Variants in DRC11 observed in about 807,000 individuals in gnomAD.
DRC11 encodes the protein dynein regulatory complex subunit 11.
At chr2:236,375,061 A>C in the DRC11 span, among the ~76,000 whole-genome samples, 1 of 152,078 alleles carries the variant, frequency 6.6e-6, no homozygotes, top group East Asian at 1.9e-4. This position sits in a 1 kb window ranked among gnomAD's most constrained non-coding sequence, Gnocchi z 4.2. Context: ...GAAAGTCCCA[A>C]GGAGGATGGT....
At chr2:236,441,732 T>C in the DRC11 span, among the ~76,000 whole-genome samples, 1 of 152,222 alleles carries the variant, frequency 6.6e-6, no homozygotes, top group Admixed American at 6.5e-5. Flanking sequence ...TTATATTTAT[T>C]GTACGTAAGA....
the DRC11 span, among the ~76,000 whole-genome samples, chr2:236,338,597 C>T: frequency 6.6e-6 from 1 of 152,136 alleles, no homozygotes; most frequent in South Asian, 2.1e-4. Flanking sequence ...CTTTCCTCAA[C>T]CTCTGGTGTC....
the DRC11 span, chr2:236,399,340 C>G: frequency 1.7e-6 from 2 of 1,204,892 alleles, no homozygotes. The surrounding 1 kb of genome is among the most constrained non-coding windows in gnomAD (Gnocchi z 7.0). Context: ...GAGTGGCATA[C>G]AGCAGCCTCC....
the DRC11 span, among the ~76,000 whole-genome samples, chr2:236,420,392 C>G: frequency 4.0e-4 from 61 of 152,296 alleles, no homozygotes; most frequent in African/African-American, 1.4e-3. This position sits in a 1 kb window ranked among gnomAD's most constrained non-coding sequence, Gnocchi z 4.8. Context: ...AATCCATACT[C>G]CAGTCTCAGG....
At chr2:236,324,484 G>C in the DRC11 span, 1 of 474,494 alleles carries the variant, frequency 2.1e-6, no homozygotes, top group Non-Finnish European at 3.8e-6. The surrounding 1 kb of genome is among the most constrained non-coding windows in gnomAD (Gnocchi z 5.7). Context: ...GCCTGGGAAA[G>C]GCATAACAGC....
chr2:236,417,572 T>TA, the DRC11 span, among the ~76,000 whole-genome samples: 3 of 151,744 alleles, frequency 2.0e-5, no homozygotes, highest in East Asian at 1.9e-4. Context: ...TTTTTTTTTT[T>TA]TATATTACTT....
chr2:236,409,040 G>A, the DRC11 span: 3 of 617,256 alleles, frequency 4.9e-6, no homozygotes, highest in South Asian at 3.7e-5. Context: ...GAAGCCGAGG[G>A]ACCCATGTCT....
the DRC11 span, among the ~76,000 whole-genome samples, chr2:236,483,838 C>T: frequency 6.6e-6 from 1 of 152,124 alleles, no homozygotes; most frequent in South Asian, 2.1e-4. This position sits in a 1 kb window ranked among gnomAD's most constrained non-coding sequence, Gnocchi z 4.8. Context: ...ATACTTAATA[C>T]CACTGGCAAA....
chr2:236,373,193 G>A, the DRC11 span, among the ~76,000 whole-genome samples: 2 of 150,184 alleles, frequency 1.3e-5, no homozygotes, highest in African/African-American at 2.4e-5. Flanking sequence ...CCTCATTTCT[G>A]GGTTTTACTC....
chr2:236,449,157 C>G, the DRC11 span, among the ~76,000 whole-genome samples: 1 of 152,188 alleles, frequency 6.6e-6, no homozygotes, highest in African/African-American at 2.4e-5. This position sits in a 1 kb window ranked among gnomAD's most constrained non-coding sequence, Gnocchi z 5.1. Flanking sequence ...ACTACACCCA[C>G]TGGGTGCTGT....
chr2:236,436,074 C>T, the DRC11 span, among the ~76,000 whole-genome samples: 1 of 152,152 alleles, frequency 6.6e-6, no homozygotes, highest in African/African-American at 2.4e-5. Context: ...CCAGTCATTA[C>T]AATGACTTAA....
chr2:236,314,308 C>T, the DRC11 span, among the ~76,000 whole-genome samples: 3 of 152,176 alleles, frequency 2.0e-5, no homozygotes, highest in South Asian at 4.1e-4. The surrounding 1 kb of genome is among the most constrained non-coding windows in gnomAD (Gnocchi z 4.5). Context: ...CACAACCATA[C>T]ATGATAAACA....
chr2:236,326,836 GTGTGTT>G, the DRC11 span, among the ~76,000 whole-genome samples: 1 of 142,878 alleles, frequency 7.0e-6, no homozygotes, highest in East Asian at 2.0e-4. Flanking sequence ...GTGTGTGTGT[GTGTGTT>G]TGAGATGGAG....
chr2:236,308,974 G>A, the DRC11 span, among the ~76,000 whole-genome samples: 1 of 152,220 alleles, frequency 6.6e-6, no homozygotes, highest in African/African-American at 2.4e-5. The surrounding 1 kb of genome is among the most constrained non-coding windows in gnomAD (Gnocchi z 6.0). Flanking sequence ...CAGCTGTTGG[G>A]AGCTCTGGGG....
At chr2:236,460,593 G>C in the DRC11 span, among the ~76,000 whole-genome samples, 1 of 152,000 alleles carries the variant, frequency 6.6e-6, no homozygotes, top group Non-Finnish European at 1.5e-5. This position sits in a 1 kb window ranked among gnomAD's most constrained non-coding sequence, Gnocchi z 4.0. Context: ...TTTAATGAGG[G>C]TTTCTATTAT....
the DRC11 span, chr2:236,407,774 C>G: frequency 3.3e-6 from 1 of 301,660 alleles, no homozygotes; most frequent in Non-Finnish European, 6.5e-6. Flanking sequence ...AGTTTTCACT[C>G]CTCATTTTTT....
chr2:236,459,540 C>T, the DRC11 span, among the ~76,000 whole-genome samples: 132 of 73,828 alleles, frequency 1.8e-3, no homozygotes, highest in African/African-American at 3.4e-3. Flanking sequence ...TATACGTATA[C>T]GTATACGTAT....
At chr2:236,493,052 G>A in the DRC11 span, among the ~76,000 whole-genome samples, 1 of 152,198 alleles carries the variant, frequency 6.6e-6, no homozygotes, top group East Asian at 1.9e-4. Context: ...ATTTACAAAA[G>A]AAAGAGGTTT....
chr2:236,482,402 A>C, the DRC11 span, among the ~76,000 whole-genome samples: 1 of 152,206 alleles, frequency 6.6e-6, no homozygotes, highest in African/African-American at 2.4e-5. This position sits in a 1 kb window ranked among gnomAD's most constrained non-coding sequence, Gnocchi z 4.5. Context: ...GTATCTTAAA[A>C]CAGAAATATA....
Sources: allele counts gnomAD v4.1 joint callset (sites outside exome capture counted in the v4.1 genomes callset), GRCh38; gene constraint gnomAD v4.1.1; non-coding constraint Gnocchi (gnomAD v3.1); transcripts MANE v1.5; gene names NCBI Gene and HGNC (gene_info 2026-07-23, HGNC 2026-07-21).